BANK1: variants seen among roughly 807,000 people sequenced by gnomAD.
The protein encoded by BANK1 is B cell scaffold protein with ankyrin repeats 1.
Under a neutral mutation model 94.5 loss-of-function variants are expected in BANK1, and 95 were observed. The observed-to-expected ratio is 1.00, with a 90% CI of 0.85 to 1.19. The LOEUF (loss-of-function observed/expected upper bound fraction) is 1.19. Ranked by LOEUF, BANK1 falls within the 50% of genes most tolerant of loss-of-function variation. The pLI is 0.00. For synonymous variants in BANK1, 334 were observed against 308.4 expected, an observed-to-expected ratio of 1.08 and a Z score of -0.87; for missense variants, 987 against 932.2, an observed-to-expected ratio of 1.06 and a Z score of -0.77.
chr4:101,948,125 T>C (rs1403310343), intron 7 of BANK1, among the ~76,000 whole-genome samples: 4 of 152,122 alleles, frequency 2.6e-5, no homozygotes, highest in African/African-American at 9.6e-5. Flanking sequence ...TAAGTGTACT[T>C]GGTTTTTAAG....
intron 7 of BANK1, among the ~76,000 whole-genome samples, chr4:101,930,263 G>A (rs1396706734): frequency 6.6e-6 from 1 of 151,250 alleles, no homozygotes; most frequent in Non-Finnish European, 1.5e-5. Flanking sequence ...GTGTGTGGGT[G>A]TGTGTGTTTA....
chr4:101,832,763 A>G (rs1205564879), intron 2 of BANK1, among the ~76,000 whole-genome samples: 1 of 152,072 alleles, frequency 6.6e-6, no homozygotes, highest in Non-Finnish European at 1.5e-5. Flanking sequence ...TTCACGGTGA[A>G]ATGTTTGGTT....
intron 11 of BANK1, among the ~76,000 whole-genome samples, chr4:102,049,127 A>G (rs987559531): frequency 4.6e-5 from 7 of 152,174 alleles, no homozygotes; most frequent in African/African-American, 1.7e-4. Context: ...CATACCCCCA[A>G]TTCCAATCAT....
At chr4:102,001,267 C>T (rs1366126158) in intron 7 of BANK1, among the ~76,000 whole-genome samples, 1 of 152,074 alleles carries the variant, frequency 6.6e-6, no homozygotes, top group African/African-American at 2.4e-5. Context: ...TTAAGAAAGC[C>T]CAAAGTGTTT....
At chr4:101,901,578 A>C (rs1722283295) in intron 6 of BANK1, among the ~76,000 whole-genome samples, 1 of 152,204 alleles carries the variant, frequency 6.6e-6, no homozygotes, top group Admixed American at 6.5e-5. Context: ...ATTATGAACA[A>C]GTTCATGTGA....
At chr4:101,841,810 G>A (rs1481123798) in intron 2 of BANK1, among the ~76,000 whole-genome samples, 1 of 118,954 alleles carries the variant, frequency 8.4e-6, no homozygotes, top group South Asian at 2.7e-4. Context: ...AGAGTGCAAT[G>A]TTCCCCTTCC....
chr4:101,979,808 A>T (rs575866574), intron 7 of BANK1, among the ~76,000 whole-genome samples: 1 of 152,038 alleles, frequency 6.6e-6, no homozygotes, highest in East Asian at 1.9e-4. Flanking sequence ...ATTAATGAAG[A>T]TTAGTGCCCA....
At chr4:101,849,621 T>TA (rs986856031) in intron 2 of BANK1, among the ~76,000 whole-genome samples, 5 of 152,190 alleles carry the variant, frequency 3.3e-5, no homozygotes, top group Non-Finnish European at 7.4e-5. Flanking sequence ...ACATACTATA[T>TA]AAAAAAATTT....
At chr4:101,958,081 C>T (rs749636589) in intron 7 of BANK1, among the ~76,000 whole-genome samples, 6 of 151,982 alleles carry the variant, frequency 3.9e-5, no homozygotes, top group South Asian at 4.1e-4. Flanking sequence ...CTCCTGACCC[C>T]GTGATCTGCC....
At chr4:101,938,659 G>T (rs1723650324) in intron 7 of BANK1, among the ~76,000 whole-genome samples, 1 of 151,554 alleles carries the variant, frequency 6.6e-6, no homozygotes, top group East Asian at 2.0e-4. Context: ...TCAAGCTTGA[G>T]TATATGAATG....
intron 3 of BANK1, among the ~76,000 whole-genome samples, chr4:101,858,172 G>T (rs984457990): frequency 6.6e-6 from 1 of 152,162 alleles, no homozygotes; most frequent in Non-Finnish European, 1.5e-5. Flanking sequence ...CAAAGAAGTG[G>T]CTCTCCACTG....
intron 2 of BANK1, among the ~76,000 whole-genome samples, chr4:101,843,660 T>C (rs1291149384): frequency 6.6e-6 from 1 of 152,166 alleles, no homozygotes; most frequent in African/African-American, 2.4e-5. Context: ...CTCATGCCTG[T>C]AATCCCAGCA....
At chr4:101,964,332 G>A (rs1385063282) in intron 7 of BANK1, among the ~76,000 whole-genome samples, 2 of 151,704 alleles carry the variant, frequency 1.3e-5, no homozygotes, top group Non-Finnish European at 1.5e-5. Context: ...TCTTCCTGAC[G>A]AATAGTACTG....
intron 1 of BANK1, among the ~76,000 whole-genome samples, chr4:101,791,610 A>G (rs1724990673): frequency 6.6e-6 from 1 of 152,240 alleles, no homozygotes. Context: ...CAAATTACTC[A>G]GTGATATAAA....
At chr4:101,928,334 C>T (rs2148904249) in intron 7 of BANK1, among the ~76,000 whole-genome samples, 1 of 151,578 alleles carries the variant, frequency 6.6e-6, no homozygotes, top group East Asian at 2.0e-4. Flanking sequence ...TGGAATCCTT[C>T]AAGAAAATGT....
intron 7 of BANK1, among the ~76,000 whole-genome samples, chr4:101,986,054 A>T (rs536397734): frequency 6.6e-6 from 1 of 152,300 alleles, no homozygotes; most frequent in East Asian, 1.9e-4. Context: ...TATGAAGGTG[A>T]ATAAAGCATA....
At chr4:101,802,269 A>G (rs1725378934) in intron 1 of BANK1, among the ~76,000 whole-genome samples, 1 of 152,222 alleles carries the variant, frequency 6.6e-6, no homozygotes, top group Admixed American at 6.5e-5. Flanking sequence ...ATACAGGTAA[A>G]AGAGTAATAG....
At chr4:102,015,397 T>C (rs1391837346) in intron 7 of BANK1, among the ~76,000 whole-genome samples, 1 of 152,178 alleles carries the variant, frequency 6.6e-6, no homozygotes, top group African/African-American at 2.4e-5. Flanking sequence ...GCCTTCCAAG[T>C]TGGTAAATAC....
intron 3 of BANK1, among the ~76,000 whole-genome samples, chr4:101,858,108 T>C (rs951741670): frequency 1.3e-5 from 2 of 152,210 alleles, no homozygotes; most frequent in Admixed American, 6.5e-5. Context: ...TGACCTGATC[T>C]ATTTTTTAGT....
Sources: gnomAD v4.1 joint callset for allele counts (sites outside exome capture counted in the v4.1 genomes callset) on GRCh38, gnomAD v4.1.1 for gene constraint, MANE v1.5 for transcripts, NCBI Gene and HGNC (gene_info 2026-07-23, HGNC 2026-07-21) for gene names.